The following LDLRAD3 variants were observed in gnomAD, a reference collection of about 807,000 sequenced individuals.
LDLRAD3 encodes the protein low-density lipoprotein receptor class A domain-containing protein 3.
In LDLRAD3, 20 loss-of-function variants were observed where a neutral mutation model predicts 29.4. The ratio of observed to expected loss-of-function variants is 0.68; its 90% CI spans 0.48 to 0.99. The LOEUF is 0.99. Among genes scored for constraint, LDLRAD3 ranks in the 50% least tolerant of loss-of-function variants. The pLI, the probability that LDLRAD3 is intolerant of heterozygous loss-of-function variation, is 0.00. For synonymous variants in LDLRAD3, 157 were observed against 192.7 expected, an observed-to-expected ratio of 0.81 and a Z score of 1.53; for missense variants, 420 against 454.3, an observed-to-expected ratio of 0.92 and a Z score of 0.69.
intron 1 of LDLRAD3, among the ~76,000 whole-genome samples, chr11:35,999,841 A>G (rs887085448): frequency 2.6e-5 from 4 of 152,142 alleles, no homozygotes; most frequent in African/African-American, 9.7e-5. Flanking sequence ...AGGCCTAGTA[A>G]TATCCAGGCA....
intron 1 of LDLRAD3, among the ~76,000 whole-genome samples, chr11:35,959,482 T>C (rs1046293357): frequency 1.3e-5 from 2 of 152,240 alleles, no homozygotes; most frequent in Admixed American, 6.5e-5. Flanking sequence ...TTGGGTGCTT[T>C]AAAATATATT....
At chr11:36,189,569 G>A (rs527775585) in intron 4 of LDLRAD3, among the ~76,000 whole-genome samples, 22 of 149,772 alleles carry the variant, frequency 1.5e-4, no homozygotes, top group Non-Finnish European at 3.1e-4. Flanking sequence ...ACGTAACCAC[G>A]AATTTACTTT....
intron 1 of LDLRAD3, among the ~76,000 whole-genome samples, chr11:36,020,827 A>G (rs1203722015): frequency 6.6e-6 from 1 of 152,200 alleles, no homozygotes; most frequent in African/African-American, 2.4e-5. Context: ...TTGAAACAGC[A>G]TGTGACGTGG....
At chr11:35,970,691 C>T (rs1005438957) in intron 1 of LDLRAD3, among the ~76,000 whole-genome samples, 4 of 152,184 alleles carry the variant, frequency 2.6e-5, no homozygotes, top group Admixed American at 1.3e-4. Context: ...TCACTCAGTT[C>T]ATAAGTGGAG....
chr11:36,153,838 T>C (rs747990344), intron 4 of LDLRAD3, among the ~76,000 whole-genome samples: 14 of 152,280 alleles, frequency 9.2e-5, no homozygotes, highest in Non-Finnish European at 1.6e-4. Context: ...AATGTTTTTT[T>C]TTAACAGGAT....
intron 1 of LDLRAD3, among the ~76,000 whole-genome samples, chr11:35,989,394 C>T (rs6484808): frequency 0.55 from 83,677 of 152,030 alleles, 25,257 homozygotes; most frequent in African/African-American, 0.81. Context: ...AATTACTTTT[C>T]TCTAATTCTG....
intron 1 of LDLRAD3, among the ~76,000 whole-genome samples, chr11:35,955,957 C>T (rs1851195925): frequency 6.6e-6 from 1 of 152,194 alleles, no homozygotes; most frequent in Non-Finnish European, 1.5e-5. Context: ...TACAGAAGTG[C>T]TCACTCATGG....
chr11:36,044,864 C>T (rs1033133747), intron 2 of LDLRAD3, among the ~76,000 whole-genome samples: 3 of 152,208 alleles, frequency 2.0e-5, no homozygotes, highest in Non-Finnish European at 2.9e-5. Context: ...GGCTGCCATC[C>T]GCTGTTCTCA....
intron 4 of LDLRAD3, among the ~76,000 whole-genome samples, chr11:36,124,984 C>G (rs1853815105): frequency 6.6e-6 from 1 of 152,120 alleles, no homozygotes; most frequent in Non-Finnish European, 1.5e-5. Context: ...CAAGCTCTTT[C>G]CTGTTTAAGG....
At chr11:36,073,993 G>A (rs931020216) in intron 2 of LDLRAD3, among the ~76,000 whole-genome samples, 2 of 151,956 alleles carry the variant, frequency 1.3e-5, no homozygotes, top group Non-Finnish European at 2.9e-5. Flanking sequence ...TCTGTAAAAT[G>A]TTTTTTTTGT....
At chr11:36,226,117 A>G (rs1565317132) in intron 4 of LDLRAD3, among the ~76,000 whole-genome samples, 2 of 152,148 alleles carry the variant, frequency 1.3e-5, no homozygotes, top group African/African-American at 4.8e-5. Flanking sequence ...ACTTGTATGT[A>G]CCGAACACAT....
chr11:36,074,036 G>T (rs1270034304), intron 2 of LDLRAD3, among the ~76,000 whole-genome samples: 3 of 152,264 alleles, frequency 2.0e-5, no homozygotes, highest in Middle Eastern at 3.4e-3. Context: ...AGATATCTGT[G>T]AAACAGAGCG....
intron 4 of LDLRAD3, among the ~76,000 whole-genome samples, chr11:36,204,296 G>A (rs1197008323): frequency 6.6e-6 from 1 of 152,190 alleles, no homozygotes; most frequent in Non-Finnish European, 1.5e-5. Flanking sequence ...TGCTATATCC[G>A]GGGCAGCATA....
intron 1 of LDLRAD3, among the ~76,000 whole-genome samples, chr11:35,959,917 G>T (rs550449759): frequency 6.6e-6 from 1 of 152,268 alleles, no homozygotes; most frequent in South Asian, 2.1e-4. Flanking sequence ...TGGTGACAGA[G>T]TGAGACTCCA....
At chr11:35,985,170 A>G (rs950317062) in intron 1 of LDLRAD3, among the ~76,000 whole-genome samples, 1 of 152,070 alleles carries the variant, frequency 6.6e-6, no homozygotes, top group Non-Finnish European at 1.5e-5. Context: ...GCTTCACGCA[A>G]TTCACTCACC....
intron 2 of LDLRAD3, among the ~76,000 whole-genome samples, chr11:36,058,978 C>G (rs986699640): frequency 6.6e-6 from 1 of 152,148 alleles, no homozygotes; most frequent in Non-Finnish European, 1.5e-5. Flanking sequence ...GTTGTCACTC[C>G]CTGGACTGGT....
At chr11:36,070,737 T>C (rs1852886517) in intron 2 of LDLRAD3, among the ~76,000 whole-genome samples, 1 of 152,178 alleles carries the variant, frequency 6.6e-6, no homozygotes, top group Non-Finnish European at 1.5e-5. Flanking sequence ...GGAATCTGCA[T>C]ATTCACAAGC....
In LDLRAD3 at chr11:35,944,169, C is replaced by A; in HGVS notation, c.46+25C>A. 9.9e-7 allele frequency: 1 copy of A among 1,013,164 alleles called. No homozygotes were observed. Among genetic ancestry groups the A allele is most frequent in the South Asian group, 4.5e-5 (1 of 22,356 alleles). 62.8% of individuals were successfully genotyped at this position (1,013,164 alleles called of 1,614,324 possible). ...GGTGAGTCGGGGGGCGGCCGGCGAA[C>A]TTCCCGCGGGGCGCGGGGCGCGGGG... On this transcript the variant is annotated intron_variant, in intron 1 of 5. Coordinates refer to ENST00000315571, the MANE Select transcript of LDLRAD3 (RefSeq NM_174902.4). The surrounding 1 kb of genome is among the most constrained non-coding windows in gnomAD (Gnocchi z 4.9).
intron 4 of LDLRAD3, among the ~76,000 whole-genome samples, chr11:36,193,404 A>C (rs1854985546): frequency 6.6e-6 from 1 of 152,278 alleles, no homozygotes; most frequent in East Asian, 1.9e-4. Flanking sequence ...TCCTGCATAC[A>C]GTCGCCAGAA....
Sources: allele counts gnomAD v4.1 joint callset (sites outside exome capture counted in the v4.1 genomes callset), GRCh38; gene constraint gnomAD v4.1.1; non-coding constraint Gnocchi (gnomAD v3.1); transcripts MANE v1.5; gene names NCBI Gene and HGNC (gene_info 2026-07-23, HGNC 2026-07-21).